Variants in ADAMTS8 observed in about 807,000 individuals in gnomAD.
ADAMTS8 encodes the protein ADAM metallopeptidase with thrombospondin type 1 motif 8, also known as A disintegrin and metalloproteinase with thrombospondin motifs 8.
ADAMTS8 carries 50 observed loss-of-function variants against 64.4 expected under a neutral mutation model. The observed-to-expected ratio is 0.78, with a 90% CI of 0.62 to 0.98. The LOEUF (loss-of-function observed/expected upper bound fraction) is 0.98, where lower values mean the gene tolerates loss of function less well. Ranked by LOEUF, ADAMTS8 falls within the 50% of genes least tolerant of loss-of-function variation. ADAMTS8 has a pLI of 0.00. For missense variants in ADAMTS8, 1,192 were observed against 1,208.2 expected, an observed-to-expected ratio of 0.99 and a Z score of 0.20; for synonymous variants, 556 against 533.6, an observed-to-expected ratio of 1.04 and a Z score of -0.58.
intron 1 of ADAMTS8, among the ~76,000 whole-genome samples, chr11:130,425,694 G>A (rs1862156107): frequency 6.6e-6 from 1 of 151,224 alleles, no homozygotes; most frequent in Non-Finnish European, 1.5e-5. Context: ...TCTGCCTCCT[G>A]AGTTGACACC....
At chr11:130,407,592 C>G (rs1296276035) in intron 8 of ADAMTS8, among the ~76,000 whole-genome samples, 1 of 152,064 alleles carries the variant, frequency 6.6e-6, no homozygotes, top group Non-Finnish European at 1.5e-5. Context: ...GGGGAAGTGG[C>G]TGGACAGGTG....
chr11:130,425,574 T>C (rs566681900), intron 1 of ADAMTS8, among the ~76,000 whole-genome samples: 1 of 151,982 alleles, frequency 6.6e-6, no homozygotes, highest in South Asian at 2.1e-4. Flanking sequence ...GCATCTTAGC[T>C]TCTTACTTTT....
intron 4 of ADAMTS8, among the ~76,000 whole-genome samples, chr11:130,415,603 C>CTTTTT (rs386375276): frequency 0.48 from 49,402 of 103,878 alleles, 12,476 homozygotes; most frequent in Non-Finnish European, 0.51. Flanking sequence ...GCACCTGGCC[C>CTTTTT]TTTTTTTTTT....
chr11:130,408,871 A>G lies in ADAMTS8; in HGVS notation c.1820T>C (p.Leu607Pro). 6.2e-7 allele frequency: 1 copy of G among 1,611,476 alleles called. No homozygotes were observed. The highest frequency in any genetic ancestry group is 1.3e-5 in the African/African-American group (1 of 75,008). ...AGCATACTTGGGGACCCACTGCAGG[A>G]GATTCCCGTCCATGTCAGTGTAATT... ...AYNYTDMDGN[L>P]LQWVPKYAGV... Residue 607 changes from leucine (L) to proline (P), a missense_variant, in exon 7 of 9, where the codon CTC becomes CCC. Physicochemically the swap from Leu to Pro is moderately conservative, Grantham distance 98. Coordinates refer to ENST00000257359, the MANE Select transcript of ADAMTS8 (RefSeq NM_007037.6).
chr11:130,406,286 G>A (rs1028558326), intron 8 of ADAMTS8, among the ~76,000 whole-genome samples, 158 bp from the exon 9 acceptor site: 7 of 152,332 alleles, frequency 4.6e-5, no homozygotes, highest in African/African-American at 1.7e-4. Flanking sequence ...TAAATTAGCT[G>A]TTTAGGCAGA....
chr11:130,413,911 C>T (rs559782793), intron 5 of ADAMTS8, among the ~76,000 whole-genome samples: 1 of 152,124 alleles, frequency 6.6e-6, no homozygotes, highest in Non-Finnish European at 1.5e-5. Flanking sequence ...CTGTCTCCAC[C>T]CCGCTCACCA....
At chr11:130,426,427 G>GC in intron 1 of ADAMTS8, among the ~76,000 whole-genome samples, 1 of 152,348 alleles carries the variant, frequency 6.6e-6, no homozygotes, top group South Asian at 2.1e-4. Context: ...GGCCAAGGAT[G>GC]CCATCACCAC....
chr11:130,415,743 G>T (rs765107404), intron 4 of ADAMTS8, among the ~76,000 whole-genome samples: 1 of 151,742 alleles, frequency 6.6e-6, no homozygotes, highest in Non-Finnish European at 1.5e-5. Context: ...TGAGTATCTG[G>T]GACCACAGGT....
At position 130,406,088 on chromosome 11, in the gene ADAMTS8, T is replaced by A. The variant is rs1861879923; in HGVS notation, c.2140A>T (p.Thr714Ser). The A allele has an allele frequency of 1.9e-6, 3 of 1,612,372 alleles. No homozygotes were observed. The highest frequency in any genetic ancestry group is 1.7e-5 in the Admixed American group (1 of 60,004). Residue 714 changes from threonine to serine, a missense_variant, in exon 9 of 9, where the codon ACT (threonine) becomes TCT (serine). Thr to Ser is a moderately conservative substitution (Grantham distance 58, BLOSUM62 1). Coordinates refer to ENST00000257359, the MANE Select transcript of ADAMTS8 (RefSeq NM_007037.6). ...CTCCGCTGCTTCACGTCAATATTAG[T>A]GGCACCAGCTGGGATGGTGACAATG... ...NDIVTIPAGA[T>S]NIDVKQRSHP...
In ADAMTS8 at chr11:130,408,497, C is replaced by T; in HGVS notation, c.2066G>A (p.Cys689Tyr). The T allele has an allele frequency of 1.9e-6, 3 of 1,614,078 alleles. No homozygotes were observed. Among genetic ancestry groups the T allele is most frequent in the Non-Finnish European group, 2.5e-6 (3 of 1,180,010 alleles). Residue 689 changes from cysteine to tyrosine, a missense_variant, in exon 8 of 9, where the codon TGC becomes TAC. Cys to Tyr is a radical substitution (Grantham distance 194). Coordinates refer to ENST00000257359, the MANE Select transcript of ADAMTS8 (RefSeq NM_007037.6). ...CGVCGGKGNS[C>Y]RKVSGSLTPT... ...GGTGAGGGACCCGGAGACCTTCCTG[C>T]AGGAGTTGCCTTTGCCCCCACACAC...
chr11:130,418,913 A>G (rs1208564016), intron 2 of ADAMTS8, 140 bp downstream of exon 2: 3 of 1,374,416 alleles, frequency 2.2e-6, no homozygotes. Context: ...CCTCCTCATC[A>G]TTCTGGGCAT....
At position 130,420,019 on chromosome 11, in the gene ADAMTS8, A is replaced by G. The variant is rs1475169409; in HGVS notation, c.721-727T>C. Among the ~76,000 whole-genome samples, 3 of 152,238 alleles carry G rather than the reference A, an allele frequency of 2.0e-5. No homozygotes were observed. In the East Asian group the frequency reaches 5.8e-4, roughly 29 times the overall value. ...GTGCTGTAATTCCATTTCACGAATG[A>G]GGAAGGTCATGCAAATTAACCTGTT... On this transcript the variant is annotated intron_variant, in intron 1 of 8. Coordinates refer to ENST00000257359, the MANE Select transcript of ADAMTS8 (RefSeq NM_007037.6).
Position 130,416,594 on chromosome 11 carries a change from C to T in ADAMTS8, c.1097-264G>A, listed in dbSNP as rs940016979. ...TTATTTGCCCTCTCACATGACAGTC[C>T]CTGGACCATTGTTCTTCCCCCAGAT... On this transcript the variant is annotated intron_variant, in intron 3 of 8. Transcript: ENST00000257359. The surrounding 1 kb of genome is among the most constrained non-coding windows in gnomAD (Gnocchi z 4.8). 6.6e-6 allele frequency among the ~76,000 whole-genome samples: 1 copy of T among 152,194 alleles called. No individual in the cohort carries two copies. Among genetic ancestry groups the T allele is most frequent in the Non-Finnish European group, 1.5e-5 (1 of 68,032 alleles).
At chr11:130,419,439 T>G in intron 1 of ADAMTS8, 147 bp from the exon 2 acceptor site, 1 of 1,138,052 alleles carries the variant, frequency 8.8e-7, no homozygotes, top group South Asian at 1.6e-5. Context: ...GTCTCCGTGT[T>G]ACTCCCTTCA....
rs1408489218 is a variant in ADAMTS8, at chr11:130,428,188, G to A, written c.99C>T (p.Ala33=). The part of the protein sequence containing the change: ...LARGAPARPA[A]GGQASELVVP... ...CCACCAGCTCCGAGGCCTGCCCCCC[G>A]GCTGCGGGCCGGGCCGGGGCGCCGC... Residue 33 remains alanine, a synonymous_variant, in exon 1 of 9, where the codon GCC becomes GCT. Coordinates refer to ENST00000257359, the MANE Select transcript of ADAMTS8 (RefSeq NM_007037.6). The A allele has an allele frequency of 5.4e-6, 7 of 1,303,436 alleles. No individual in the cohort carries two copies. Among genetic ancestry groups the A allele is most frequent in the African/African-American group, 1.6e-5 (1 of 64,470 alleles). The allele number at this position is 1,303,436 out of a possible 1,614,324, so 80.7% of individuals were successfully genotyped here. A position where few individuals can be genotyped will look rare whatever the true frequency, so the allele number is the denominator to read the frequency against.
At chr11:130,415,610 T>TTTTTC (rs1862012348) in intron 4 of ADAMTS8, among the ~76,000 whole-genome samples, 2 of 147,310 alleles carry the variant, frequency 1.4e-5, no homozygotes, top group Non-Finnish European at 3.0e-5. Context: ...GCCCTTTTTT[T>TTTTTC]TTTTTTTTTT....
chr11:130,428,222 GGCA>G lies in ADAMTS8; in HGVS notation c.62_64del (p.Leu21del), dbSNP rs10548872. ...CCGGGCCGGGGCGCCGCGGGCCAGC[GGCA>G]GCAGCAGCAGCAGCAGCAGCAGGAG... On this transcript the variant is annotated inframe_deletion, in exon 1 of 9. Transcript: ENST00000257359. The G allele has an allele frequency of 0.55, 655,343 of 1,197,296 alleles. 176,218 individuals are homozygous for G. The highest frequency in any genetic ancestry group is 0.65 in the Admixed American group (14,427 of 22,036). The allele number at this position is 1,197,296 out of a possible 1,614,324, so 74.2% of individuals were successfully genotyped here. A position where few individuals can be genotyped will look rare whatever the true frequency, so the allele number is the denominator to read the frequency against.
intron 1 of ADAMTS8, among the ~76,000 whole-genome samples, chr11:130,426,989 A>T (rs1453314667): frequency 1.3e-5 from 2 of 152,204 alleles, no homozygotes; most frequent in Admixed American, 6.5e-5. Flanking sequence ...TGCCCCATTG[A>T]TCACAACCAG....
At chr11:130,423,530 T>C (rs1862126204) in intron 1 of ADAMTS8, among the ~76,000 whole-genome samples, 1 of 152,156 alleles carries the variant, frequency 6.6e-6, no homozygotes, top group Admixed American at 6.5e-5. Context: ...ATGCCCACTT[T>C]AGTGTCTTGT....
Sources: gnomAD v4.1 joint callset for allele counts (sites outside exome capture counted in the v4.1 genomes callset) on GRCh38, gnomAD v4.1.1 for gene constraint, Gnocchi (gnomAD v3.1) non-coding constraint, MANE v1.5 for transcripts, NCBI Gene and HGNC (gene_info 2026-07-23, HGNC 2026-07-21) for gene names.